The following GRIN2A variants were observed in gnomAD, a reference collection of about 807,000 sequenced individuals.
GRIN2A encodes the protein glutamate ionotropic receptor NMDA type subunit 2A.
GRIN2A carries 22 observed loss-of-function variants against 113.4 expected under a neutral mutation model. The observed-to-expected ratio is 0.19, with a 90% CI of 0.14 to 0.28. The LOEUF (loss-of-function observed/expected upper bound fraction) is 0.28, where lower values mean the gene tolerates loss of function less well. GRIN2A is among the 10% of genes least tolerant of loss of function. GRIN2A has a pLI of 1.00. For synonymous variants in GRIN2A, 827 were observed against 738.4 expected (o/e 1.12, Z -1.94); for missense variants, 1,502 against 1,887.0 (o/e 0.80, Z 3.78).
intron 2 of GRIN2A, among the ~76,000 whole-genome samples, chr16:10,102,128 T>C (rs2048411759): frequency 6.6e-6 from 1 of 152,106 alleles, no homozygotes. Context: ...GACACAGAGG[T>C]TCTGATATGG....
chr16:10,104,097 G>A (rs1259125552), intron 2 of GRIN2A, among the ~76,000 whole-genome samples: 1 of 152,188 alleles, frequency 6.6e-6, no homozygotes, highest in African/African-American at 2.4e-5. Flanking sequence ...GTGAAAACAA[G>A]AGTAGGCAGA....
chr16:9,933,028 T>A (rs984712638), intron 3 of GRIN2A, among the ~76,000 whole-genome samples: 13 of 152,288 alleles, frequency 8.5e-5, no homozygotes, highest in African/African-American at 2.9e-4. Flanking sequence ...CCTTCACAAT[T>A]TTGGGAGTTA....
intron 2 of GRIN2A, among the ~76,000 whole-genome samples, chr16:10,055,596 C>T (rs571501731): frequency 5.3e-5 from 8 of 152,350 alleles, no homozygotes; most frequent in African/African-American, 1.9e-4. Context: ...GTGAATCCAT[C>T]TGGCACCAAG....
intron 2 of GRIN2A, among the ~76,000 whole-genome samples, chr16:10,104,555 A>T (rs1472700307): frequency 6.6e-6 from 1 of 152,200 alleles, no homozygotes; most frequent in Non-Finnish European, 1.5e-5. Context: ...GCATATGGAA[A>T]GCTTGCACGA....
chr16:9,954,540 G>A (rs989121505), intron 2 of GRIN2A, among the ~76,000 whole-genome samples: 5 of 152,034 alleles, frequency 3.3e-5, no homozygotes, highest in Non-Finnish European at 7.4e-5. Context: ...AGCATCAAGG[G>A]GCCATTAAAC....
intron 11 of GRIN2A, among the ~76,000 whole-genome samples, chr16:9,788,717 C>T (rs1316773103): frequency 6.7e-6 from 1 of 150,022 alleles, no homozygotes; most frequent in Non-Finnish European, 1.5e-5. Context: ...CTTAGGAGAA[C>T]TGGACAACCA....
chr16:9,848,447 C>T (rs1337739389), intron 5 of GRIN2A, among the ~76,000 whole-genome samples: 7 of 151,072 alleles, frequency 4.6e-5, no homozygotes, highest in Admixed American at 4.0e-4. Flanking sequence ...AACTCCTGAC[C>T]TCAAGTAATC....
intron 12 of GRIN2A, among the ~76,000 whole-genome samples, chr16:9,767,543 CTAATTA>C (rs1462006103): frequency 6.6e-5 from 10 of 150,450 alleles, no homozygotes; most frequent in Admixed American, 4.6e-4. Context: ...TTTTCAAATC[CTAATTA>C]ATGAAGTTCT....
chr16:9,889,063 A>G (rs2043642841), intron 4 of GRIN2A, among the ~76,000 whole-genome samples: 1 of 152,168 alleles, frequency 6.6e-6, no homozygotes, highest in African/African-American at 2.4e-5. Context: ...TGTTATAGAT[A>G]GACGAAGCCA....
chr16:9,923,944 T>C (rs2044404153), intron 3 of GRIN2A, among the ~76,000 whole-genome samples: 1 of 151,778 alleles, frequency 6.6e-6, no homozygotes, highest in Non-Finnish European at 1.5e-5. Flanking sequence ...CTGGCCAACA[T>C]GGTGAGACCT....
intron 2 of GRIN2A, among the ~76,000 whole-genome samples, chr16:9,965,621 C>G (rs977148682): frequency 3.3e-5 from 5 of 152,188 alleles, no homozygotes; most frequent in African/African-American, 1.2e-4. Context: ...AGCCAACAGT[C>G]CATCTCTGAT....
At chr16:9,853,846 A>T (rs903195860) in intron 4 of GRIN2A, among the ~76,000 whole-genome samples, 11 of 151,988 alleles carry the variant, frequency 7.2e-5, no homozygotes, top group South Asian at 2.1e-4. Flanking sequence ...TTTCATTTAT[A>T]CTCCCACTCA....
At chr16:10,052,101 G>A (rs1382969242) in intron 2 of GRIN2A, among the ~76,000 whole-genome samples, 1 of 152,202 alleles carries the variant, frequency 6.6e-6, no homozygotes, top group African/African-American at 2.4e-5. Flanking sequence ...AGTAGACAAT[G>A]GCACACATGC....
chr16:10,033,435 T>C lies in GRIN2A; in HGVS notation c.415-94884A>G, dbSNP rs112746163. Reference sequence around the variant, plus strand: ...CAACAACAAGCAAGAAAATTGGCAATTGTGATACAAGCTACGATGAAAATA... The same window carrying C: ...CAACAACAAGCAAGAAAATTGGCAACTGTGATACAAGCTACGATGAAAATA... On this transcript the variant is annotated intron_variant, in intron 2 of 12. Transcript: ENST00000330684. 2.0e-3 allele frequency among the ~76,000 whole-genome samples: 305 copies of C among 152,110 alleles called. 2 individuals carry two copies. Among genetic ancestry groups the C allele is most frequent in the African/African-American group, 7.1e-3 (295 of 41,474 alleles).
chr16:10,147,713 C>T (rs1046175753), intron 2 of GRIN2A, among the ~76,000 whole-genome samples: 35 of 151,940 alleles, frequency 2.3e-4, no homozygotes, highest in African/African-American at 7.2e-4. Context: ...GAGGATCACC[C>T]CAAAATACAA....
At chr16:9,875,391 C>T (rs1204325000) in intron 4 of GRIN2A, among the ~76,000 whole-genome samples, 1 of 152,032 alleles carries the variant, frequency 6.6e-6, no homozygotes, top group African/African-American at 2.4e-5. Context: ...GTTCCAATGC[C>T]AAGAAAAACA....
chr16:10,080,163 G>A (rs2047951741), intron 2 of GRIN2A, among the ~76,000 whole-genome samples: 1 of 152,164 alleles, frequency 6.6e-6, no homozygotes, highest in Non-Finnish European at 1.5e-5. Context: ...TATATTCAGG[G>A]CTTAGCACTG....
intron 2 of GRIN2A, chr16:10,111,774 G>A (rs1287801039): frequency 4.1e-6 from 6 of 1,479,030 alleles, no homozygotes; most frequent in South Asian, 1.1e-5. Context: ...GTGATGTGCT[G>A]GAGGCCAAGA....
chr16:9,789,193 A>G (rs1902435634), intron 11 of GRIN2A, among the ~76,000 whole-genome samples: 1 of 152,264 alleles, frequency 6.6e-6, no homozygotes, highest in Non-Finnish European at 1.5e-5. Context: ...GGTTTCAATA[A>G]AACTTCATTT....
Sources: gnomAD v4.1 joint callset for allele counts (sites outside exome capture counted in the v4.1 genomes callset) on GRCh38, gnomAD v4.1.1 for gene constraint, MANE v1.5 for transcripts, NCBI Gene and HGNC (gene_info 2026-07-23, HGNC 2026-07-21) for gene names.